PRKDC: variants seen among roughly 807,000 people sequenced by gnomAD.
The protein encoded by PRKDC is protein kinase, DNA-activated, catalytic subunit, also known as DNA-dependent protein kinase catalytic subunit.
Under a neutral mutation model 486.9 loss-of-function variants are expected in PRKDC, and 82 were observed. The ratio of observed to expected loss-of-function variants is 0.17; its 90% CI spans 0.14 to 0.20. PRKDC has a LOEUF of 0.20. Ranked by LOEUF, PRKDC falls within the 10% of genes least tolerant of loss-of-function variation. The pLI is 1.00. For synonymous variants in PRKDC, 1,895 were observed against 1,837.0 expected, an observed-to-expected ratio of 1.03 and a Z score of -0.81; for missense variants, 4,504 against 5,038.2, an observed-to-expected ratio of 0.89 and a Z score of 3.21.
chr8:47,922,032 C>T (rs1211497123), intron 21 of PRKDC, among the ~76,000 whole-genome samples: 7 of 152,192 alleles, frequency 4.6e-5, no homozygotes, highest in African/African-American at 1.7e-4. Flanking sequence ...CTGCCTACCT[C>T]GGCCTCCCTA....
chr8:47,864,463 G>T, intron 41 of PRKDC, 93 bp downstream of exon 41: 1 of 1,153,436 alleles, frequency 8.7e-7, no homozygotes, highest in Non-Finnish European at 1.2e-6. Context: ...TCCTTGAACA[G>T]CAGAGGCCAT....
intron 54 of PRKDC, among the ~76,000 whole-genome samples, chr8:47,844,824 A>T (rs1298919327): frequency 1.3e-5 from 2 of 152,150 alleles, no homozygotes; most frequent in African/African-American, 2.4e-5. Context: ...GAATCAAAAA[A>T]TTTTTTTCAA....
chr8:47,806,939 G>A (rs1478975868), intron 69 of PRKDC, among the ~76,000 whole-genome samples, 198 bp downstream of exon 69: 1 of 151,994 alleles, frequency 6.6e-6, no homozygotes, highest in Non-Finnish European at 1.5e-5. Flanking sequence ...CAAGTGATCC[G>A]CCTGCCTTGG....
rs1197486259 is a variant in PRKDC at position 47,852,684 on chromosome 8, C to T, written c.6994G>A (p.Glu2332Lys). ...VLGLILRYVM[E>K]RKNILEESLC... ...TGTAGCACACTCACGTTTTTTCTCTCCATAACATATCGAAGTATAAGTCCT... is the reference window on the plus strand; with the variant it reads ...TGTAGCACACTCACGTTTTTTCTCTTCATAACATATCGAAGTATAAGTCCT... Residue 2332 changes from glutamate to lysine, a missense_variant, in exon 52 of 86, where the codon GAG (glutamate) becomes AAG (lysine). Glu to Lys is a moderately conservative substitution (Grantham distance 56). This residue lies in a region of PRKDC where 1,592 missense variants were observed against 1,724.6 expected (regional missense o/e 0.92). Coordinates refer to ENST00000314191, the MANE Select transcript of PRKDC (RefSeq NM_006904.7). The T allele has an allele frequency of 6.4e-7, 1 of 1,566,306 alleles. No homozygotes were observed. Among genetic ancestry groups the T allele is most frequent in the African/African-American group, 1.3e-5 (1 of 74,188 alleles).
At chr8:47,903,658 G>A (rs1397974361) in intron 26 of PRKDC, among the ~76,000 whole-genome samples, 1 of 152,150 alleles carries the variant, frequency 6.6e-6, no homozygotes, top group African/African-American at 2.4e-5. Context: ...CCGAGTTCAT[G>A]CTGCTTCTTT....
At chr8:47,799,436 C>A in intron 71 of PRKDC, 46 bp from the exon 72 acceptor site, 1 of 1,424,106 alleles carries the variant, frequency 7.0e-7, no homozygotes, top group Admixed American at 2.5e-5. Flanking sequence ...CTGAAGCTTT[C>A]TCAAAGAACT....
intron 21 of PRKDC, among the ~76,000 whole-genome samples, chr8:47,924,243 A>G (rs1026073357): frequency 2.0e-5 from 3 of 152,120 alleles, no homozygotes; most frequent in Admixed American, 6.6e-5. Context: ...GGAACCAAGG[A>G]GTCCTGGTTC....
chr8:47,818,683 T>C (rs181283184), intron 67 of PRKDC, among the ~76,000 whole-genome samples: 2 of 151,894 alleles, frequency 1.3e-5, no homozygotes, highest in Non-Finnish European at 2.9e-5. Flanking sequence ...ATTAATATGA[T>C]TAATATGTAC....
chr8:47,934,800 T>C (rs544958530), intron 14 of PRKDC, among the ~76,000 whole-genome samples: 2 of 152,290 alleles, frequency 1.3e-5, no homozygotes, highest in South Asian at 4.1e-4. Flanking sequence ...AAACCTAAAG[T>C]TATGCTTAAA....
chr8:47,938,808 C>T (rs940875602), intron 11 of PRKDC, among the ~76,000 whole-genome samples: 7 of 152,138 alleles, frequency 4.6e-5, no homozygotes, highest in South Asian at 2.1e-4. Flanking sequence ...GCAATCTGCC[C>T]GCCTCGGCCT....
At chr8:47,956,675 C>G (rs1183649986) in intron 3 of PRKDC, among the ~76,000 whole-genome samples, 2 of 151,658 alleles carry the variant, frequency 1.3e-5, no homozygotes, top group East Asian at 1.9e-4. Context: ...TGCACTCCAG[C>G]CTGGATGACA....
At chr8:47,803,591 G>C in intron 69 of PRKDC, 111 bp from the exon 70 acceptor site, 1 of 916,064 alleles carries the variant, frequency 1.1e-6, no homozygotes, top group Non-Finnish European at 1.7e-6. Context: ...TTAGAGTAGC[G>C]AATCCATTTC....
Position 47,799,195 on chromosome 8 carries a change from T to C in PRKDC, c.10297+15A>G. 1 of 1,613,572 alleles carries C rather than the reference T, an allele frequency of 6.2e-7. No homozygotes were observed. Among genetic ancestry groups the C allele is most frequent in the South Asian group, 1.1e-5 (1 of 91,078 alleles). On this transcript the variant is annotated intron_variant, in intron 72 of 85. Coordinates refer to ENST00000314191, the MANE Select transcript of PRKDC (RefSeq NM_006904.7). ...CTGACATAATGGAACACTAGCTTTTTAATTTTCAATTCACCTGATGCATTC... is the reference window on the plus strand; with the variant it reads ...CTGACATAATGGAACACTAGCTTTTCAATTTTCAATTCACCTGATGCATTC...
chr8:47,852,348 A>G (rs866782680), intron 52 of PRKDC, among the ~76,000 whole-genome samples: 10 of 152,282 alleles, frequency 6.6e-5, no homozygotes, highest in African/African-American at 2.2e-4. Context: ...CTACCAGGAC[A>G]ATTTCCTCCA....
chr8:47,901,866 A>G (rs1434777326), intron 27 of PRKDC, among the ~76,000 whole-genome samples: 1 of 152,142 alleles, frequency 6.6e-6, no homozygotes, highest in Non-Finnish European at 1.5e-5. Flanking sequence ...AATGAACACC[A>G]CTACCTTAGG....
rs1398532909 is a variant in PRKDC at position 47,955,176 on chromosome 8, A to G, written c.399+698T>C. On this transcript the variant is annotated intron_variant, in intron 4 of 85. Coordinates refer to ENST00000314191, the MANE Select transcript of PRKDC (RefSeq NM_006904.7). The stretch of plus-strand genomic sequence containing the variant: ...CTCAAAAAAAGAAAGAAAAGAAAAC[A>G]TATGGGCCGGGCGCGGTGGCTCACA... 3.5e-5 allele frequency among the ~76,000 whole-genome samples: 5 copies of G among 140,938 alleles called. No individual in the cohort carries two copies. In the East Asian group the frequency reaches 1.1e-3, roughly 31 times the overall value. The allele number at this position is 140,938 out of a possible 152,430, so 92.5% of individuals were successfully genotyped here.
At chr8:47,935,945 A>C in intron 12 of PRKDC, 45 bp from the exon 13 acceptor site, 1 of 1,526,474 alleles carries the variant, frequency 6.6e-7, no homozygotes, top group Non-Finnish European at 9.0e-7. Flanking sequence ...GAGGTAATCA[A>C]TGAATACAGG....
intron 23 of PRKDC, among the ~76,000 whole-genome samples, 165 bp downstream of exon 23, chr8:47,915,163 C>T (rs1192941840): frequency 2.6e-5 from 4 of 152,108 alleles, no homozygotes; most frequent in Non-Finnish European, 5.9e-5. Flanking sequence ...TCCAATTTTA[C>T]GGATACAGTC....
intron 41 of PRKDC, 116 bp downstream of exon 41, chr8:47,864,440 T>C (rs931099075): frequency 1.7e-5 from 16 of 917,474 alleles, no homozygotes; most frequent in Middle Eastern, 3.4e-4. Context: ...CCACAGACTG[T>C]TATGTGGCAC....
Sources: gnomAD v4.1 joint callset for allele counts (sites outside exome capture counted in the v4.1 genomes callset) on GRCh38, gnomAD v4.1.1 for gene constraint, gnomAD v4.1.1 regional missense constraint, MANE v1.5 for transcripts, NCBI Gene and HGNC (gene_info 2026-07-23, HGNC 2026-07-21) for gene names.